Variants in LAMC2 observed in about 807,000 individuals in gnomAD.
LAMC2 encodes laminin subunit gamma 2.
A neutral mutation model predicts 140.2 loss-of-function variants in LAMC2; 97 were observed. The observed-to-expected ratio is 0.69, with a 90% CI of 0.59 to 0.82. The LOEUF is 0.82. LAMC2 is among the 40% of genes least tolerant of loss of function. The pLI, the probability that LAMC2 is intolerant of heterozygous loss-of-function variation, is 0.00. For missense variants in LAMC2, 1,402 were observed against 1,476.1 expected (o/e 0.95, Z 0.82); for synonymous variants, 513 against 540.2 (o/e 0.95, Z 0.70).
intron 8 of LAMC2, among the ~76,000 whole-genome samples, chr1:183,226,139 C>CT (rs76667253): frequency 0.082 from 11,145 of 136,158 alleles, 853 homozygotes; most frequent in African/African-American, 0.19. Context: ...CTATTAATTC[C>CT]TTTTTTTTTT....
chr1:183,186,331 G>A lies in LAMC2; in HGVS notation c.-22G>A, dbSNP rs773568647. 19 of 1,581,806 alleles carry A rather than the reference G, an allele frequency of 1.2e-5. No homozygotes were observed. Among genetic ancestry groups the A allele is most frequent in the African/African-American group, 2.7e-5 (2 of 74,700 alleles). On this transcript the variant is annotated 5_prime_UTR_variant, in exon 1 of 23. Transcript: ENST00000264144. ...CAGCGACCCCTGCAGCGGAGACAGA[G>A]ACTGAGCGGCCCGGCCCCGCCATGC...
chr1:183,187,789 C>T (rs1308684565), intron 1 of LAMC2, among the ~76,000 whole-genome samples: 1 of 152,144 alleles, frequency 6.6e-6, no homozygotes, highest in Non-Finnish European at 1.5e-5. Context: ...CTTGGAATCT[C>T]TTGATTTGAA....
intron 1 of LAMC2, among the ~76,000 whole-genome samples, chr1:183,192,130 T>C (rs1049527074): frequency 1.3e-5 from 2 of 152,214 alleles, no homozygotes; most frequent in Non-Finnish European, 2.9e-5. Flanking sequence ...AGAATGGTTC[T>C]TCCTCCAGCA....
the LAMC2 span, chr1:183,252,654 T>C: frequency 1.2e-6 from 2 of 1,613,430 alleles, no homozygotes; most frequent in Non-Finnish European, 1.7e-6. Flanking sequence ...GCCGGAGGCA[T>C]TGATGTACAG....
intron 2 of LAMC2, among the ~76,000 whole-genome samples, chr1:183,213,374 G>T (rs149659603): frequency 6.6e-6 from 1 of 152,140 alleles, no homozygotes; most frequent in African/African-American, 2.4e-5. Context: ...GCACAGAACC[G>T]ATATCTTTAT....
intron 3 of LAMC2, among the ~76,000 whole-genome samples, chr1:183,216,836 T>C (rs546480107): frequency 2.0e-5 from 3 of 152,318 alleles, no homozygotes; most frequent in Admixed American, 6.5e-5. Context: ...CTTGAGGATG[T>C]CCAGTGCATC....
At chr1:183,191,293 T>C (rs1301783092) in intron 1 of LAMC2, among the ~76,000 whole-genome samples, 1 of 152,100 alleles carries the variant, frequency 6.6e-6, no homozygotes, top group East Asian at 1.9e-4. Flanking sequence ...GGGCTGGAAA[T>C]TCCCATATGG....
At chr1:183,203,888 A>G (rs115875707) in intron 1 of LAMC2, among the ~76,000 whole-genome samples, 23 of 152,316 alleles carry the variant, frequency 1.5e-4, no homozygotes, top group African/African-American at 5.5e-4. Flanking sequence ...GGAAAGGGGT[A>G]TGTTTGCAAT....
chr1:183,258,384 A>G, the LAMC2 span, among the ~76,000 whole-genome samples: 1 of 152,136 alleles, frequency 6.6e-6, no homozygotes, highest in Non-Finnish European at 1.5e-5. Flanking sequence ...ACCTTTGCAA[A>G]ATTATGACTG....
chr1:183,234,410 A>G lies in LAMC2; in HGVS notation c.2264A>G (p.Lys755Arg), dbSNP rs774944459. The change falls in exon 15 of 23, where the codon AAA (lysine) becomes AGA (arginine). Residue 755 changes from lysine to arginine, a missense_variant. Around this residue, in one of 3 missense-constraint regions of LAMC2, gnomAD observed 670 missense variants for 667.2 expected, o/e 1.00. Coordinates refer to ENST00000264144, the MANE Select transcript of LAMC2 (RefSeq NM_005562.3). ...CACTACGTGGGGCCAAATGGCTTTA[A>G]AAGTCTGGCTCAGGAGGCCACAAGA... ...SDHYVGPNGFKSLAQEATRLA... is the reference protein window; with the variant it reads ...SDHYVGPNGFRSLAQEATRLA... The G allele has an allele frequency of 6.2e-7, 1 of 1,614,160 alleles. No homozygotes were observed. Among genetic ancestry groups the G allele is most frequent in the Admixed American group, 1.7e-5 (1 of 60,030 alleles).
intron 1 of LAMC2, among the ~76,000 whole-genome samples, chr1:183,201,703 A>T (rs577558474): frequency 6.6e-6 from 1 of 152,366 alleles, no homozygotes; most frequent in East Asian, 1.9e-4. Flanking sequence ...TGAGGTCAGG[A>T]GTTCACAGCC....
intron 16 of LAMC2, 67 bp downstream of exon 16, chr1:183,235,797 GTAC>G: frequency 6.6e-7 from 1 of 1,509,944 alleles, no homozygotes; most frequent in Admixed American, 1.7e-5. Flanking sequence ...AATGCTAACC[GTAC>G]TTGAGGGGCA....
chr1:183,254,279 C>T, the LAMC2 span, among the ~76,000 whole-genome samples: 11 of 152,114 alleles, frequency 7.2e-5, no homozygotes, highest in Non-Finnish European at 1.2e-4. Context: ...AATAGCTATT[C>T]TAATAGGTGT....
At chr1:183,251,831 G>GA in the LAMC2 span, 2 of 158,620 alleles carry the variant, frequency 1.3e-5, no homozygotes, top group South Asian at 3.4e-4. Context: ...TTCAGAACCC[G>GA]AAAATCTCAC....
chr1:183,214,037 C>CAAAAA (rs72025893), intron 2 of LAMC2, among the ~76,000 whole-genome samples: 1 of 117,588 alleles, frequency 8.5e-6, no homozygotes, highest in African/African-American at 3.3e-5. Context: ...AACTTCGTCT[C>CAAAAA]AAAAAAAAAA....
At chr1:183,225,152 T>C (rs1324212290) in intron 7 of LAMC2, among the ~76,000 whole-genome samples, 2 of 152,104 alleles carry the variant, frequency 1.3e-5, no homozygotes, top group Non-Finnish European at 2.9e-5. Context: ...GTATTAAGTG[T>C]GGACAATGTA....
rs746487237 is a variant in LAMC2 at position 183,208,049 on chromosome 1, C to T, written c.248C>T (p.Pro83Leu). The T allele has an allele frequency of 6.2e-7, 1 of 1,613,872 alleles. No homozygotes were observed. Residue 83 changes from proline to leucine, a missense_variant, in exon 2 of 23, where the codon CCC becomes CTC. By Grantham distance (98) the Pro-to-Leu change is moderately conservative (BLOSUM62 -3). Transcript: ENST00000264144. ...YRHRERDRCLPCNCNSKGSLS... is the reference protein window; with the variant it reads ...YRHRERDRCLLCNCNSKGSLS... ...CACAGAGAAAGGGACCGCTGTTTGC[C>T]CTGCAATTGTAACTCCAAAGGTAGC...
chr1:183,189,812 A>G (rs2102161348), intron 1 of LAMC2, among the ~76,000 whole-genome samples: 1 of 152,332 alleles, frequency 6.6e-6, no homozygotes, highest in Admixed American at 6.5e-5. Context: ...TATACAAAGA[A>G]TGAGGACTAT....
intron 17 of LAMC2, 118 bp downstream of exon 17, chr1:183,236,722 T>C: frequency 8.2e-7 from 1 of 1,212,542 alleles, no homozygotes; most frequent in Non-Finnish European, 1.2e-6. Flanking sequence ...CCATTTCTGT[T>C]TTAGAGTGGG....
Sources: allele counts gnomAD v4.1 joint callset (sites outside exome capture counted in the v4.1 genomes callset), GRCh38; gene constraint gnomAD v4.1.1; regional missense constraint gnomAD v4.1.1; transcripts MANE v1.5; gene names NCBI Gene and HGNC (gene_info 2026-07-23, HGNC 2026-07-21).